The following CSMD1 variants were observed in gnomAD, a reference collection of about 807,000 sequenced individuals.
CSMD1 encodes the protein CUB and Sushi multiple domains 1.
CSMD1 carries 213 observed loss-of-function variants against 417.5 expected under a neutral mutation model. That is an observed-to-expected ratio of 0.51 (90% CI 0.46 to 0.57). The LOEUF is 0.57. Ranked by LOEUF, CSMD1 falls within the 20% of genes least tolerant of loss-of-function variation. The pLI is 0.00. For missense variants in CSMD1, 6,923 were observed against 4,529.7 expected, an observed-to-expected ratio of 1.53 and a Z score of -15.17; for synonymous variants, 2,862 against 1,736.8, an observed-to-expected ratio of 1.65 and a Z score of -16.11.
intron 5 of CSMD1, among the ~76,000 whole-genome samples, chr8:3,768,967 G>A (rs1028633438): frequency 5.9e-5 from 9 of 152,214 alleles, no homozygotes; most frequent in South Asian, 2.1e-4. Flanking sequence ...AATGGAACAG[G>A]AAAGGCCTGG....
intron 1 of CSMD1, among the ~76,000 whole-genome samples, chr8:4,688,120 T>C (rs766963787): frequency 2.0e-4 from 30 of 152,222 alleles, no homozygotes; most frequent in Middle Eastern, 3.4e-3. Context: ...AATTGGAGGA[T>C]TGTATGAGGT....
At chr8:3,420,537 G>C (rs780883229) in intron 12 of CSMD1, among the ~76,000 whole-genome samples, 1 of 149,516 alleles carries the variant, frequency 6.7e-6, no homozygotes, top group African/African-American at 2.4e-5. Context: ...AGGGAAACTG[G>C]CTGTGGGGTG....
At chr8:4,886,872 T>C (rs781301822) in intron 1 of CSMD1, among the ~76,000 whole-genome samples, 1 of 152,086 alleles carries the variant, frequency 6.6e-6, no homozygotes, top group Non-Finnish European at 1.5e-5. Flanking sequence ...CTTTTTGCTT[T>C]AATTGGAAAG....
intron 3 of CSMD1, among the ~76,000 whole-genome samples, chr8:4,059,468 T>G (rs1303133304): frequency 6.6e-6 from 1 of 151,838 alleles, no homozygotes; most frequent in Non-Finnish European, 1.5e-5. Context: ...GAAATAGAGA[T>G]GCAAATAACC....
In CSMD1 at chr8:3,190,085, C is replaced by T; in HGVS notation, c.5225G>A (p.Ser1742Asn). 6.3e-7 allele frequency: 1 copy of T among 1,593,588 alleles called. No homozygotes were observed. Among genetic ancestry groups the T allele is most frequent in the Non-Finnish European group, 8.5e-7 (1 of 1,170,114 alleles). ...TCCGTATCTGGGCTCGGGGACAGAG[C>T]TGCATTGGGTGTCACTGGTACGAGG... ...AVPRTSDTQCSSVPEPRYGRR... is the reference protein window; with the variant it reads ...AVPRTSDTQCNSVPEPRYGRR... Residue 1742 changes from serine to asparagine, a missense_variant, in exon 34 of 70, where the codon AGC (serine) becomes AAC (asparagine). Coordinates refer to ENST00000635120, the MANE Select transcript of CSMD1 (RefSeq NM_033225.6).
intron 26 of CSMD1, among the ~76,000 whole-genome samples, chr8:3,276,675 A>G (rs1341970916): frequency 2.0e-5 from 3 of 152,178 alleles, no homozygotes; most frequent in Non-Finnish European, 4.4e-5. Flanking sequence ...TAGCAGTTAC[A>G]TATTTATTAA....
At chr8:3,599,360 T>A (rs543710278) in intron 8 of CSMD1, among the ~76,000 whole-genome samples, 1 of 152,260 alleles carries the variant, frequency 6.6e-6, no homozygotes, top group Admixed American at 6.5e-5. Flanking sequence ...ACGGCATTAT[T>A]AACCCCAACT....
chr8:4,511,139 T>C (rs1802798355), intron 2 of CSMD1, among the ~76,000 whole-genome samples: 1 of 152,132 alleles, frequency 6.6e-6, no homozygotes, highest in Non-Finnish European at 1.5e-5. Flanking sequence ...ATTGAACAAG[T>C]TCCCAAGAGT....
intron 5 of CSMD1, among the ~76,000 whole-genome samples, chr8:3,804,474 GA>G (rs1800622545): frequency 6.6e-6 from 1 of 152,060 alleles, no homozygotes; most frequent in Admixed American, 6.6e-5. Context: ...ATGGACTATG[GA>G]ATAATGGATT....
At chr8:4,457,726 G>A (rs147257747) in intron 2 of CSMD1, among the ~76,000 whole-genome samples, 295 of 152,218 alleles carry the variant, frequency 1.9e-3, no homozygotes, top group Non-Finnish European at 2.3e-3. Flanking sequence ...GGTCCTTCAT[G>A]TGCTCCTCTG....
intron 3 of CSMD1, among the ~76,000 whole-genome samples, chr8:4,369,563 A>G (rs892595939): frequency 6.6e-6 from 1 of 152,136 alleles, no homozygotes; most frequent in Non-Finnish European, 1.5e-5. Context: ...AGTATTATTG[A>G]GTGGTTGTCT....
intron 4 of CSMD1, among the ~76,000 whole-genome samples, chr8:4,018,395 C>G (rs1334689421): frequency 6.6e-6 from 1 of 152,148 alleles, no homozygotes; most frequent in African/African-American, 2.4e-5. Flanking sequence ...TTGGCAACTT[C>G]CTGCCTCGAT....
At chr8:4,192,102 AAGG>A (rs1323454406) in intron 3 of CSMD1, among the ~76,000 whole-genome samples, 2 of 152,158 alleles carry the variant, frequency 1.3e-5, no homozygotes, top group African/African-American at 4.8e-5. Context: ...AAAACGTGGG[AAGG>A]AGAAGGATCA....
At chr8:3,543,599 G>T (rs889599665) in intron 10 of CSMD1, among the ~76,000 whole-genome samples, 1 of 150,598 alleles carries the variant, frequency 6.6e-6, no homozygotes, top group Admixed American at 6.6e-5. Flanking sequence ...ACAAAAGAAG[G>T]ATTAAATATA....
At chr8:4,046,738 T>C (rs540454343) in intron 3 of CSMD1, among the ~76,000 whole-genome samples, 1 of 152,348 alleles carries the variant, frequency 6.6e-6, no homozygotes, top group South Asian at 2.1e-4. Flanking sequence ...TAAACTTTTT[T>C]TCTGTTTCCC....
intron 10 of CSMD1, among the ~76,000 whole-genome samples, chr8:3,541,550 G>A (rs10101494): frequency 6.8e-6 from 1 of 147,628 alleles, no homozygotes; most frequent in African/African-American, 2.5e-5. Flanking sequence ...AAAAAAATAT[G>A]AGAATAAATT....
At chr8:4,754,434 C>G (rs1408190279) in intron 1 of CSMD1, among the ~76,000 whole-genome samples, 1 of 152,152 alleles carries the variant, frequency 6.6e-6, no homozygotes, top group Non-Finnish European at 1.5e-5. Context: ...TAAGTAGTAA[C>G]TAACTTGTAT....
chr8:3,702,563 G>C (rs538750381), intron 7 of CSMD1, among the ~76,000 whole-genome samples: 1 of 152,230 alleles, frequency 6.6e-6, no homozygotes, highest in East Asian at 1.9e-4. Context: ...AGGTGCGGTG[G>C]CTCATGCCTG....
At chr8:4,454,219 C>T (rs901681898) in intron 2 of CSMD1, among the ~76,000 whole-genome samples, 2 of 152,054 alleles carry the variant, frequency 1.3e-5, no homozygotes, top group African/African-American at 4.8e-5. Flanking sequence ...TCCTTATCCA[C>T]CCCCAACACC....
Sources: allele counts gnomAD v4.1 joint callset (sites outside exome capture counted in the v4.1 genomes callset), GRCh38; gene constraint gnomAD v4.1.1; transcripts MANE v1.5; gene names NCBI Gene and HGNC (gene_info 2026-07-23, HGNC 2026-07-21).